The following LRSAM1 variants were observed in gnomAD, a reference collection of about 807,000 sequenced individuals.
LRSAM1 encodes the protein leucine rich repeat and sterile alpha motif containing 1, also known as E3 ubiquitin-protein ligase LRSAM1.
LRSAM1 carries 96 observed loss-of-function variants against 118.1 expected under a neutral mutation model. The ratio of observed to expected loss-of-function variants is 0.81; its 90% CI spans 0.69 to 0.96. The LOEUF (loss-of-function observed/expected upper bound fraction) is 0.96, where lower values mean the gene tolerates loss of function less well. Ranked by LOEUF, LRSAM1 falls within the 40% of genes least tolerant of loss-of-function variation. LRSAM1 has a pLI of 0.00. For missense variants in LRSAM1, 804 were observed against 915.5 expected, an observed-to-expected ratio of 0.88 and a Z score of 1.57; for synonymous variants, 322 against 364.2, an observed-to-expected ratio of 0.88 and a Z score of 1.32.
intron 20 of LRSAM1, among the ~76,000 whole-genome samples, chr9:127,492,585 C>T (rs773966536): frequency 1.3e-5 from 2 of 152,258 alleles, no homozygotes; most frequent in Non-Finnish European, 2.9e-5. Context: ...TCATCAGTCA[C>T]CAGGATCCCA....
chr9:127,491,445 C>A (rs973140817), intron 20 of LRSAM1, 150 bp downstream of exon 20: 10 of 693,066 alleles, frequency 1.4e-5, no homozygotes, highest in Admixed American at 2.2e-5. Flanking sequence ...GGCTGTGACA[C>A]CAGAGGACAC....
intron 9 of LRSAM1, among the ~76,000 whole-genome samples, chr9:127,464,289 A>G (rs150304755): frequency 2.3e-3 from 354 of 152,320 alleles, no homozygotes; most frequent in African/African-American, 8.1e-3. Context: ...ACTTTCTGCA[A>G]TGATGGAAAT....
At chr9:127,467,089 A>G (rs1834979794) in intron 9 of LRSAM1, among the ~76,000 whole-genome samples, 1 of 152,194 alleles carries the variant, frequency 6.6e-6, no homozygotes, top group Admixed American at 6.5e-5. Context: ...GTCCTTTATT[A>G]GCTGGCAACC....
Position 127,458,992 on chromosome 9 carries a change from T to C in LRSAM1, c.253-11T>C, listed in dbSNP as rs1834633796. The stretch of plus-strand genomic sequence containing the variant: ...CTCACTTGGAGACTCACAGGGGTCT[T>C]TCTTCTGCAGGTTCTAGATCTCCAC... On this transcript the variant is annotated splice_polypyrimidine_tract_variant and intron_variant, in intron 6 of 25. Transcript: ENST00000300417. 5.6e-6 allele frequency: 9 copies of C among 1,613,440 alleles called. No individual in the cohort carries two copies. In the East Asian group the frequency reaches 2.0e-4, roughly 36 times the overall value.
intron 6 of LRSAM1, 37 bp downstream of exon 6, chr9:127,457,430 A>G (rs754499152): frequency 1.2e-6 from 2 of 1,602,402 alleles, no homozygotes. Context: ...GGGGCTCTGC[A>G]TGGGGTTCCA....
At position 127,501,052 on chromosome 9, in the gene LRSAM1, C is replaced by G. The variant is rs762347168; in HGVS notation, c.1955C>G (p.Pro652Arg). 20 of 1,613,926 alleles carry G rather than the reference C, an allele frequency of 1.2e-5. No individual in the cohort carries two copies. Among genetic ancestry groups the G allele is most frequent in the Non-Finnish European group, 1.5e-5 (18 of 1,180,032 alleles). The stretch of plus-strand genomic sequence containing the variant: ...GGTGAGGTCGTCACCCCTACGGCCC[C>G]CCAGGAGCCTCCTGAGTCTGTGAGG... ...PMGEVVTPTAPQEPPESVRPS... is the reference protein window; with the variant it reads ...PMGEVVTPTARQEPPESVRPS... The change falls in exon 25 of 26, where the codon CCC (proline) becomes CGC (arginine). Residue 652 changes from proline to arginine, a missense_variant. Pro to Arg is a moderately radical substitution (Grantham distance 103). Transcript: ENST00000300417.
chr9:127,495,817 C>A (rs1409406547), intron 22 of LRSAM1, 147 bp from the exon 23 acceptor site: 3 of 1,205,764 alleles, frequency 2.5e-6, no homozygotes, highest in Admixed American at 2.0e-5. Context: ...CTATCTATCT[C>A]TGTGTGCCTA....
intron 17 of LRSAM1, among the ~76,000 whole-genome samples, chr9:127,487,149 A>C (rs1354079550): frequency 6.8e-6 from 1 of 147,764 alleles, no homozygotes; most frequent in Non-Finnish European, 1.5e-5. Flanking sequence ...ACACCACTGC[A>C]CTCCAGCCCG....
chr9:127,459,076 G>A lies in LRSAM1; in HGVS notation c.321+5G>A. 1 of 1,613,372 alleles carries A rather than the reference G, an allele frequency of 6.2e-7. No homozygotes were observed. Among genetic ancestry groups the A allele is most frequent in the Non-Finnish European group, 8.5e-7 (1 of 1,180,006 alleles). On this transcript the variant is annotated splice_donor_5th_base_variant and intron_variant, in intron 7 of 25. Transcript: ENST00000300417. ...GGGCAGCTGACTGCCCTCCAGGTAA[G>A]GCTGCAGAAACAGAAACCCACCTCG...
intron 23 of LRSAM1, 98 bp from the exon 24 acceptor site, chr9:127,497,155 G>T: frequency 2.4e-6 from 3 of 1,235,136 alleles, no homozygotes; most frequent in Admixed American, 1.8e-5. Flanking sequence ...AGCAGGAGGT[G>T]TCGACGGTCC....
chr9:127,458,981 C>T (rs532520697), intron 6 of LRSAM1, 22 bp from the exon 7 acceptor site: 1 of 1,613,122 alleles, frequency 6.2e-7, no homozygotes, highest in Non-Finnish European at 8.5e-7. Flanking sequence ...CTTGGAGACT[C>T]ACAGGGGTCT....
At chr9:127,501,222 T>C in intron 25 of LRSAM1, 79 bp downstream of exon 25, 1 of 1,541,878 alleles carries the variant, frequency 6.5e-7, no homozygotes, top group Non-Finnish European at 8.8e-7. Context: ...GGGTTGTCTC[T>C]GAACGTGTTT....
rs1834566306 is a variant in LRSAM1, at chr9:127,457,555, G to C, written c.252+162G>C. ...GGTTTACTGGATACTTCTGTGGGCT[G>C]TGTGTGGGTTAGGGTGACAAAGATG... On this transcript the variant is annotated intron_variant, in intron 6 of 25. Coordinates refer to ENST00000300417, the MANE Select transcript of LRSAM1 (RefSeq NM_001005373.4). The C allele has an allele frequency of 2.8e-6, 2 of 725,360 alleles. 1 individual carries two copies. The highest frequency in any genetic ancestry group is 5.4e-5 in the East Asian group (2 of 36,838). The allele number at this position is 725,360 out of a possible 1,614,324, so 44.9% of individuals were successfully genotyped here.
intron 16 of LRSAM1, among the ~76,000 whole-genome samples, chr9:127,483,467 T>C (rs1588124471): frequency 6.6e-6 from 1 of 150,616 alleles, no homozygotes; most frequent in African/African-American, 2.4e-5. Context: ...AAAAAGAAAG[T>C]CCAAATGCCC....
At chr9:127,499,834 A>C (rs1836308387) in intron 24 of LRSAM1, among the ~76,000 whole-genome samples, 1 of 151,740 alleles carries the variant, frequency 6.6e-6, no homozygotes, top group South Asian at 2.1e-4. Flanking sequence ...CTGAGGCAGG[A>C]GAATCACTTG....
In LRSAM1 at chr9:127,495,912, C is replaced by T. The variant is rs1447628271; in HGVS notation, c.1699-52C>T. The T allele has an allele frequency of 3.1e-6, 5 of 1,604,956 alleles. No individual in the cohort carries two copies. In the East Asian group the frequency reaches 1.1e-4, roughly 36 times the overall value. ...CAAACCCTTCATTTCCTGTTGTAAA[C>T]AGTGGGTTCTTTTCTTCCTTCCTGC... On this transcript the variant is annotated intron_variant, in intron 22 of 25. Coordinates refer to ENST00000300417, the MANE Select transcript of LRSAM1 (RefSeq NM_001005373.4).
At chr9:127,459,152 G>A (rs754927709) in intron 7 of LRSAM1, 81 bp downstream of exon 7, 409 of 1,402,396 alleles carry the variant, frequency 2.9e-4, no homozygotes, top group Middle Eastern at 2.7e-3. Context: ...TGTTCTGGCC[G>A]GGCTCCAGCC....
In LRSAM1 at chr9:127,465,140, A is replaced by AC. The variant is rs1271427333; in HGVS notation, c.529-2598dup. Reference sequence around the variant, plus strand: ...ACACTGCCTGTTTGGCTATGAGGAGACCACAGCCCCAGGACACTAAGGGGC... The same window carrying AC: ...ACACTGCCTGTTTGGCTATGAGGAGACCCACAGCCCCAGGACACTAAGGGGC... On this transcript the variant is annotated intron_variant, in intron 9 of 25. Transcript: ENST00000300417. This position sits in a 1 kb window ranked among gnomAD's most constrained non-coding sequence, Gnocchi z 4.1. Among the ~76,000 whole-genome samples, 1 of 152,082 alleles carries AC rather than the reference A, an allele frequency of 6.6e-6. No individual in the cohort carries two copies. Among genetic ancestry groups the AC allele is most frequent in the Non-Finnish European group, 1.5e-5 (1 of 68,018 alleles).
intron 10 of LRSAM1, among the ~76,000 whole-genome samples, chr9:127,468,540 T>C (rs1835043271): frequency 6.6e-6 from 1 of 152,160 alleles, no homozygotes. Flanking sequence ...TGACTTATCA[T>C]GGCCATTGCA....
Sources: gnomAD v4.1 joint callset for allele counts (sites outside exome capture counted in the v4.1 genomes callset) on GRCh38, gnomAD v4.1.1 for gene constraint, Gnocchi (gnomAD v3.1) non-coding constraint, MANE v1.5 for transcripts, NCBI Gene and HGNC (gene_info 2026-07-23, HGNC 2026-07-21) for gene names.